The following MANBA variants were observed in gnomAD, a reference collection of about 807,000 sequenced individuals.
The protein encoded by MANBA is mannosidase beta.
In MANBA, 83 loss-of-function variants were observed where a neutral mutation model predicts 111.1. The ratio of observed to expected loss-of-function variants is 0.75; its 90% confidence interval spans 0.63 to 0.90. The LOEUF (loss-of-function observed/expected upper bound fraction) is 0.90, where lower values mean the gene tolerates loss of function less well. MANBA is among the 40% of genes least tolerant of loss of function. The pLI is 0.00. For synonymous variants in MANBA, 370 were observed against 378.7 expected, an observed-to-expected ratio of 0.98 and a Z score of 0.27; for missense variants, 1,036 against 1,069.0, an observed-to-expected ratio of 0.97 and a Z score of 0.43.
intron 7 of MANBA, among the ~76,000 whole-genome samples, chr4:102,674,444 T>C (rs1410926570): frequency 6.6e-6 from 1 of 152,228 alleles, no homozygotes; most frequent in African/African-American, 2.4e-5. Flanking sequence ...CACATTCTCA[T>C]TTCAGTGTTG....
intron 16 of MANBA, among the ~76,000 whole-genome samples, chr4:102,634,290 G>A (rs1729515379): frequency 6.6e-6 from 1 of 152,176 alleles, no homozygotes; most frequent in Admixed American, 6.5e-5. Context: ...AGAGACTAGA[G>A]TGAATATTAA....
intron 13 of MANBA, among the ~76,000 whole-genome samples, chr4:102,642,800 G>A (rs1421810054): frequency 6.6e-6 from 1 of 152,124 alleles, no homozygotes; most frequent in Non-Finnish European, 1.5e-5. Context: ...TTCCTCCAGA[G>A]TGATGGAGTT....
At chr4:102,709,064 T>A (rs537995517) in intron 5 of MANBA, among the ~76,000 whole-genome samples, 56 of 151,780 alleles carry the variant, frequency 3.7e-4, no homozygotes, top group Non-Finnish European at 1.3e-4. Context: ...CTCATGTAAT[T>A]CCAACACTTT....
intron 1 of MANBA, chr4:102,727,380 T>C: frequency 1.2e-6 from 1 of 811,810 alleles, no homozygotes; most frequent in East Asian, 2.4e-5. Context: ...CTTTACTTCT[T>C]GCTGCTCACT....
intron 14 of MANBA, among the ~76,000 whole-genome samples, chr4:102,636,291 A>G (rs529821803): frequency 6.6e-6 from 1 of 152,350 alleles, no homozygotes; most frequent in Non-Finnish European, 1.5e-5. Flanking sequence ...GTGTACTTAA[A>G]CAAACCAAGA....
chr4:102,711,315 A>G (rs1722054636), intron 5 of MANBA, among the ~76,000 whole-genome samples: 1 of 152,214 alleles, frequency 6.6e-6, no homozygotes, highest in Non-Finnish European at 1.5e-5. Context: ...ACATGAATAG[A>G]CATTTCTCTA....
At chr4:102,688,340 CT>C (rs1417726107) in intron 7 of MANBA, among the ~76,000 whole-genome samples, 2 of 151,074 alleles carry the variant, frequency 1.3e-5, no homozygotes, top group African/African-American at 4.9e-5. Flanking sequence ...CTCTCTTCCC[CT>C]CTCACACACA....
At chr4:102,693,156 T>G (rs1578908309) in intron 5 of MANBA, among the ~76,000 whole-genome samples, 2 of 152,240 alleles carry the variant, frequency 1.3e-5, no homozygotes, top group African/African-American at 4.8e-5. Context: ...TACTTACCGA[T>G]AGCCTCCAGG....
chr4:102,631,935 T>C lies in MANBA; in HGVS notation c.*122A>G, dbSNP rs1225148013. On this transcript the variant is annotated 3_prime_UTR_variant, in exon 17 of 17. Coordinates refer to ENST00000647097, the MANE Select transcript of MANBA (RefSeq NM_005908.4). ...ACTCTTCACAGAGCAATCGCTCAAA[T>C]GCGTGGCAGCACGCAGACATGTCTC... is the stretch of plus-strand genomic sequence containing the variant. 1.0e-5 allele frequency: 9 copies of C among 859,648 alleles called. No homozygotes were observed. Among genetic ancestry groups the C allele is most frequent in the Non-Finnish European group, 1.5e-5 (8 of 519,414 alleles). The allele number at this position is 859,648 out of a possible 1,614,324, so 53.3% of individuals were successfully genotyped here.
intron 11 of MANBA, among the ~76,000 whole-genome samples, chr4:102,659,250 A>G (rs190092595): frequency 6.6e-6 from 1 of 152,322 alleles, no homozygotes; most frequent in Non-Finnish European, 1.5e-5. Context: ...ACAAGTAATT[A>G]TAAGTATGAT....
intron 1 of MANBA, chr4:102,728,872 G>A (rs1448997195): frequency 2.5e-6 from 2 of 802,024 alleles, no homozygotes; most frequent in African/African-American, 3.4e-5. Flanking sequence ...CAGAGCCAAA[G>A]CTGGGGCTTG....
chr4:102,726,716 G>C (rs1470001367), intron 1 of MANBA, 33 bp from the exon 2 acceptor site: 2 of 928,716 alleles, frequency 2.2e-6, no homozygotes, highest in Non-Finnish European at 3.6e-6. Flanking sequence ...ATGGTAGATG[G>C]TTAAATATGC....
At chr4:102,668,590 TG>T (rs1440466685) in intron 10 of MANBA, 1 of 255,770 alleles carries the variant, frequency 3.9e-6, no homozygotes, top group African/African-American at 2.2e-5. Flanking sequence ...GTGGTGTTGC[TG>T]TTTGCTGAGA....
chr4:102,728,128 C>T (rs768654436), intron 1 of MANBA: 13 of 537,638 alleles, frequency 2.4e-5, no homozygotes, highest in South Asian at 4.1e-5. Flanking sequence ...CTTGGTTGAA[C>T]GAAGGCTTGG....
At chr4:102,700,059 A>T (rs1418402835) in intron 5 of MANBA, among the ~76,000 whole-genome samples, 8 of 149,994 alleles carry the variant, frequency 5.3e-5, no homozygotes, top group African/African-American at 2.0e-4. Flanking sequence ...CTATTCAGAG[A>T]TTCAACTTCT....
chr4:102,704,108 C>A (rs28887776), intron 5 of MANBA, among the ~76,000 whole-genome samples: 3,991 of 151,204 alleles, frequency 0.026, 125 homozygotes, highest in African/African-American at 0.074. Context: ...AAAAAAAAAC[C>A]AAAAAATTTG....
At position 102,713,865 on chromosome 4, in the gene MANBA, C is replaced by T. The variant is rs184829681; in HGVS notation, c.673+573G>A. On this transcript the variant is annotated intron_variant, in intron 5 of 16. Transcript: ENST00000647097. ...GAGCCAAGATTGTGCCACTGCACTC[C>T]AGGCTGGGCAACAAGAGTGAAACTC... is the stretch of plus-strand genomic sequence containing the variant. 5.6e-3 allele frequency among the ~76,000 whole-genome samples: 785 copies of T among 140,146 alleles called. 7 individuals are homozygous for T. The highest frequency in any genetic ancestry group is 0.02 in the African/African-American group (757 of 37,446). 91.9% of individuals were successfully genotyped at this position (140,146 alleles called of 152,430 possible).
intron 5 of MANBA, among the ~76,000 whole-genome samples, chr4:102,699,460 T>C (rs1009446015): frequency 5.9e-5 from 9 of 151,526 alleles, no homozygotes; most frequent in Non-Finnish European, 1.3e-4. Flanking sequence ...ATGCTTCCAG[T>C]TTTTGCCCAT....
chr4:102,737,666 TAG>T (rs1001300704), intron 1 of MANBA, among the ~76,000 whole-genome samples: 1 of 152,090 alleles, frequency 6.6e-6, no homozygotes, highest in Non-Finnish European at 1.5e-5. Flanking sequence ...GTATTTTTAG[TAG>T]AGACAGGGTT....
Sources: allele counts gnomAD v4.1 joint callset (sites outside exome capture counted in the v4.1 genomes callset), GRCh38; gene constraint gnomAD v4.1.1; transcripts MANE v1.5; gene names NCBI Gene and HGNC (gene_info 2026-07-23, HGNC 2026-07-21).